Variants in GRTP1 observed in about 807,000 individuals in gnomAD.
GRTP1 encodes growth hormone-regulated TBC protein 1.
Under a neutral mutation model 38.1 loss-of-function variants are expected in GRTP1, and 56 were observed. The observed-to-expected ratio is 1.47, with a 90% confidence interval of 1.19 to 1.84. The LOEUF is 1.84. GRTP1 is among the 40% of genes most tolerant of loss of function. GRTP1 has a pLI of 0.00. For synonymous variants in GRTP1, 217 were observed against 189.5 expected, an observed-to-expected ratio of 1.14 and a Z score of -1.19; for missense variants, 506 against 453.9, an observed-to-expected ratio of 1.11 and a Z score of -1.04.
intron 4 of GRTP1, among the ~76,000 whole-genome samples, chr13:113,350,369 G>T (rs1023491683): frequency 4.6e-5 from 7 of 152,058 alleles, no homozygotes; most frequent in Non-Finnish European, 1.0e-4. Context: ...CAGACACTCT[G>T]GGAGTGGCCT....
intron 4 of GRTP1, among the ~76,000 whole-genome samples, chr13:113,345,592 AAAGT>A (rs1322314665): frequency 2.6e-5 from 4 of 152,236 alleles, no homozygotes; most frequent in Admixed American, 6.5e-5. Flanking sequence ...TGTAATTTCT[AAAGT>A]AAGTATTTCT....
intron 3 of GRTP1, among the ~76,000 whole-genome samples, chr13:113,354,531 A>T (rs1815260): frequency 0.96 from 144,149 of 150,020 alleles, 69,218 homozygotes; most frequent in East Asian, 1. Context: ...GTTAACCAAT[A>T]TTTTTTTTTT....
rs1386640930 is a variant in GRTP1 at position 113,324,518 on chromosome 13, G to C, written c.981C>G (p.Ser327Arg). 6.2e-7 allele frequency: 1 copy of C among 1,611,638 alleles called. No homozygotes were observed. Among genetic ancestry groups the C allele is most frequent in the Non-Finnish European group, 8.5e-7 (1 of 1,179,154 alleles). ...CCTGTGCCAGCAGCCGGGCCCTGCA[G>C]CTCTCGCGGAGCTTGGCGACGGTGG... ...SMATVAKLRE[S>R]CRARLLAQG The change falls in exon 8 of 8, where the codon AGC becomes AGG. Residue 327 changes from serine (S) to arginine (R), a missense_variant. Ser to Arg is a moderately radical substitution (Grantham distance 110). Transcript: ENST00000375431.
intron 4 of GRTP1, among the ~76,000 whole-genome samples, chr13:113,345,220 C>T (rs2139453845): frequency 6.6e-6 from 1 of 152,364 alleles, no homozygotes; most frequent in African/African-American, 2.4e-5. Context: ...ATCAAAGACT[C>T]TTCCACTAAT....
intron 5 of GRTP1, among the ~76,000 whole-genome samples, chr13:113,332,401 A>C (rs2139413102): frequency 6.9e-6 from 1 of 143,990 alleles, no homozygotes; most frequent in Non-Finnish European, 1.5e-5. Flanking sequence ...CGCCACACAC[A>C]GGTACACACG....
At chr13:113,346,228 A>G (rs61966620) in intron 4 of GRTP1, among the ~76,000 whole-genome samples, 4,959 of 10,266 alleles carry the variant, frequency 0.48, 610 homozygotes, top group Middle Eastern at 0.56. Context: ...GTGGCTGAGA[A>G]CAGACCCGGG....
intron 4 of GRTP1, 155 bp from the exon 5 acceptor site, chr13:113,345,114 G>A (rs1319750649): frequency 4.1e-5 from 13 of 319,764 alleles, no homozygotes; most frequent in Non-Finnish European, 5.0e-5. Flanking sequence ...GAACTCTAGA[G>A]TCACTAAATA....
intron 4 of GRTP1, among the ~76,000 whole-genome samples, chr13:113,346,152 ACCTCTGT>A: frequency 2.1e-5 from 3 of 144,514 alleles, no homozygotes; most frequent in Non-Finnish European, 4.5e-5. Flanking sequence ...ACCCGGGAGG[ACCTCTGT>A]GCCTGACAGT....
chr13:113,355,501 A>G lies in GRTP1; in HGVS notation c.182-20T>C. 1 of 1,598,348 alleles carries G rather than the reference A, an allele frequency of 6.3e-7. No individual in the cohort carries two copies. Among genetic ancestry groups the G allele is most frequent in the East Asian group, 2.2e-5 (1 of 44,488 alleles). Reference sequence around the variant, plus strand: ...GCTTCACTGAAGGCCGAGAGGACGGACAGCGTGTGAGCTGGACCAGGGGCC... The same window carrying G: ...GCTTCACTGAAGGCCGAGAGGACGGGCAGCGTGTGAGCTGGACCAGGGGCC... On this transcript the variant is annotated intron_variant, in intron 2 of 7. Transcript: ENST00000375431.
At chr13:113,337,866 C>T (rs1337255431) in intron 5 of GRTP1, among the ~76,000 whole-genome samples, 1 of 152,282 alleles carries the variant, frequency 6.6e-6, no homozygotes, top group African/African-American at 2.4e-5. Flanking sequence ...CCTCCCTCCA[C>T]CCACCTCTGC....
intron 5 of GRTP1, among the ~76,000 whole-genome samples, chr13:113,332,160 C>T (rs1052372898): frequency 6.6e-6 from 1 of 152,094 alleles, no homozygotes; most frequent in East Asian, 1.9e-4. Context: ...CCCCCACATC[C>T]CCATCAGATT....
chr13:113,360,339 C>A (rs575033591), intron 2 of GRTP1: 2 of 152,120 alleles, frequency 1.3e-5, no homozygotes, highest in African/African-American at 4.8e-5. Flanking sequence ...TGTGATCAGG[C>A]AGAATACATA....
At chr13:113,338,786 C>T (rs2042989115) in intron 5 of GRTP1, among the ~76,000 whole-genome samples, 1 of 152,194 alleles carries the variant, frequency 6.6e-6, no homozygotes, top group Non-Finnish European at 1.5e-5. Context: ...CCTTCATGCT[C>T]ACCAGGGAGC....
intron 5 of GRTP1, among the ~76,000 whole-genome samples, chr13:113,332,060 G>A (rs1813377999): frequency 6.6e-6 from 1 of 151,656 alleles, no homozygotes; most frequent in African/African-American, 2.4e-5. Flanking sequence ...CTTGAGCCCA[G>A]GAGTTCCAGA....
At chr13:113,347,113 A>T (rs1341243631) in intron 4 of GRTP1, among the ~76,000 whole-genome samples, 1 of 754 alleles carries the variant, frequency 1.3e-3, no homozygotes, top group Non-Finnish European at 2.9e-3. Flanking sequence ...CCTCTGTGGC[A>T]GAGAGCAGAC....
rs1358357797 is a variant in GRTP1 at position 113,348,590 on chromosome 13, GT to G, written c.465+2258del. On this transcript the variant is annotated intron_variant, in intron 4 of 7. Coordinates refer to ENST00000375431, the MANE Select transcript of GRTP1 (RefSeq NM_024719.4). The surrounding 1 kb of genome is among the most constrained non-coding windows in gnomAD (Gnocchi z 4.8). ...TGTTGCAGATGTCATTACGGATGGG[GT>G]CATGGAGGAGTTGGTGGGCCCTATC... is the stretch of plus-strand genomic sequence containing the variant. 6.6e-6 allele frequency among the ~76,000 whole-genome samples: 1 copy of G among 152,174 alleles called. No homozygotes were observed. The highest frequency in any genetic ancestry group is 1.9e-4 in the East Asian group (1 of 5,188).
chr13:113,324,829 CT>C (rs781015380), intron 7 of GRTP1: 150,459 of 890,750 alleles, frequency 0.17, 97 homozygotes, highest in Non-Finnish European at 0.18. Flanking sequence ...TTCCATTAGA[CT>C]TTTTTTTTTT....
intron 5 of GRTP1, chr13:113,339,672 T>C (rs1424441195): frequency 2.0e-5 from 3 of 152,250 alleles, no homozygotes; most frequent in Non-Finnish European, 1.5e-5. Flanking sequence ...GCAATTTTGT[T>C]CCATTGGTCT....
chr13:113,332,970 C>G (rs543657715), intron 5 of GRTP1, among the ~76,000 whole-genome samples: 2 of 152,330 alleles, frequency 1.3e-5, no homozygotes, highest in African/African-American at 4.8e-5. Flanking sequence ...ACTGACCAAC[C>G]GCCTTCTAGT....
Sources: allele counts gnomAD v4.1 joint callset (sites outside exome capture counted in the v4.1 genomes callset), GRCh38; gene constraint gnomAD v4.1.1; non-coding constraint Gnocchi (gnomAD v3.1); transcripts MANE v1.5; gene names NCBI Gene and HGNC (gene_info 2026-07-23, HGNC 2026-07-21).